Variants in KLK5 observed in about 807,000 individuals in gnomAD.
The protein encoded by KLK5 is kallikrein-5.
Under a neutral mutation model 24.0 loss-of-function variants are expected in KLK5, and 18 were observed. The ratio of observed to expected loss-of-function variants is 0.75; its 90% confidence interval spans 0.52 to 1.11. The LOEUF (loss-of-function observed/expected upper bound fraction) is 1.11, where lower values mean the gene tolerates loss of function less well. KLK5 is among the 50% of genes most tolerant of loss of function. The pLI is 0.00. For synonymous variants in KLK5, 140 were observed against 154.0 expected (o/e 0.91, Z 0.67); for missense variants, 374 against 379.2 (o/e 0.99, Z 0.11).
chr19:50,948,817 C>T (rs368001515), intron 4 of KLK5, 42 bp downstream of exon 4: 38 of 1,613,786 alleles, frequency 2.4e-5, no homozygotes, highest in Middle Eastern at 3.3e-4. Flanking sequence ...AGATGGAAGG[C>T]GGCAGAGATG....
At chr19:50,945,102 CTT>C (rs1373653465) in intron 5 of KLK5, among the ~76,000 whole-genome samples, 1 of 143,204 alleles carries the variant, frequency 7.0e-6, no homozygotes, top group Non-Finnish European at 1.5e-5. Context: ...CCCTTCGTCT[CTT>C]TTTTTTTTCT....
At position 50,948,000 on chromosome 19, in the gene KLK5, AAAC is replaced by A. The variant is rs1302845596; in HGVS notation, c.726+637_726+639del. Among the ~76,000 whole-genome samples, 9 of 152,230 alleles carry A rather than the reference AAAC, an allele frequency of 5.9e-5. No homozygotes were observed. Among genetic ancestry groups the A allele is most frequent in the Non-Finnish European group, 1.3e-4 (9 of 68,044 alleles). ...ACTCACTTTCAAAGACTTAATATGA[AAAC>A]AAGAAAAGAATGTAAAGTATCTCAT... On this transcript the variant is annotated intron_variant, in intron 5 of 5. Transcript: ENST00000336334. This position sits in a 1 kb window ranked among gnomAD's most constrained non-coding sequence, Gnocchi z 8.7.
intron 5 of KLK5, among the ~76,000 whole-genome samples, chr19:50,944,960 C>T (rs1039561134): frequency 6.6e-6 from 1 of 151,842 alleles, no homozygotes; most frequent in African/African-American, 2.4e-5. Context: ...TCCTTCCTCT[C>T]TCTTTTCTTT....
intron 5 of KLK5, among the ~76,000 whole-genome samples, chr19:50,946,645 C>T (rs268907): frequency 0.16 from 24,392 of 151,732 alleles, 3,851 homozygotes; most frequent in African/African-American, 0.41. Context: ...CTGCAAGTTC[C>T]GCCTCCCGGG....
In KLK5 at chr19:50,952,994, C is replaced by T. The variant is rs1393228239; in HGVS notation, c.-259G>A. The T allele has an allele frequency of 5.9e-5, 13 of 218,910 alleles. No homozygotes were observed. The highest frequency in any genetic ancestry group is 3.0e-4 in the East Asian group (3 of 10,122). 13.6% of individuals were successfully genotyped at this position (218,910 alleles called of 1,614,324 possible). A position where few individuals can be genotyped will look rare whatever the true frequency, so the allele number is the denominator to read the frequency against. ...GTGGGGGATTTGCTCCCAGCTCAGC[C>T]GCAGACTTCTCAGGCCTGTGCCTTC... On this transcript the variant is annotated 5_prime_UTR_variant, in exon 1 of 6. Coordinates refer to ENST00000336334, the MANE Select transcript of KLK5 (RefSeq NM_012427.5).
At chr19:50,952,480 G>A (rs1044652562) in intron 2 of KLK5, 105 bp downstream of exon 2, 5 of 742,868 alleles carry the variant, frequency 6.7e-6, no homozygotes, top group African/African-American at 3.6e-5. Context: ...ACCCGGTCCC[G>A]GAGTCATGCC....
At chr19:50,946,378 T>C (rs983036889) in intron 5 of KLK5, among the ~76,000 whole-genome samples, 16 of 152,174 alleles carry the variant, frequency 1.1e-4, no homozygotes, top group Non-Finnish European at 4.4e-5. Flanking sequence ...GGTATTAGTA[T>C]TGTTGTAGTT....
intron 5 of KLK5, among the ~76,000 whole-genome samples, chr19:50,948,043 T>C (rs2090650558): frequency 6.6e-6 from 1 of 152,204 alleles, no homozygotes; most frequent in Non-Finnish European, 1.5e-5. Flanking sequence ...AATTGTTTTA[T>C]ATTAATTACA....
chr19:50,946,814 C>G (rs567255689), intron 5 of KLK5, among the ~76,000 whole-genome samples: 14 of 152,290 alleles, frequency 9.2e-5, no homozygotes, highest in African/African-American at 3.1e-4. Context: ...CCGCCTCGGC[C>G]TCCCAAAGTG....
In KLK5 at chr19:50,945,421, C is replaced by T. The variant is rs77691357; in HGVS notation, c.727-1635G>A. 4.7e-3 allele frequency among the ~76,000 whole-genome samples: 714 copies of T among 151,710 alleles called. 8 individuals carry two copies. Among genetic ancestry groups the T allele is most frequent in the Middle Eastern group, 0.017 (5 of 294 alleles). ...ACAGCACCTGGAACCATTCCTGGTG[C>T]AAAATAGCCACTCGGCTAATATTTA... On this transcript the variant is annotated intron_variant, in intron 5 of 5. Transcript: ENST00000336334.
intron 5 of KLK5, among the ~76,000 whole-genome samples, chr19:50,946,576 T>C (rs80031432): frequency 6.6e-6 from 1 of 152,052 alleles, no homozygotes; most frequent in Non-Finnish European, 1.5e-5. Flanking sequence ...TTTTTTTTTT[T>C]TGAGACGGAG....
At chr19:50,945,730 G>T (rs2090626106) in intron 5 of KLK5, among the ~76,000 whole-genome samples, 1 of 151,622 alleles carries the variant, frequency 6.6e-6, no homozygotes, top group Non-Finnish European at 1.5e-5. Flanking sequence ...GGCGCATGCT[G>T]CAGTGAGCTG....
In KLK5 at chr19:50,952,929, C is replaced by A. The variant is rs2090701059; in HGVS notation, c.-194G>T. 3 of 326,658 alleles carry A rather than the reference C, an allele frequency of 9.2e-6. No homozygotes were observed. Among genetic ancestry groups the A allele is most frequent in the Non-Finnish European group, 1.7e-5 (3 of 179,672 alleles). 20.2% of individuals were successfully genotyped at this position (326,658 alleles called of 1,614,324 possible). A position where few individuals can be genotyped will look rare whatever the true frequency, so the allele number is the denominator to read the frequency against. On this transcript the variant is annotated 5_prime_UTR_variant, in exon 1 of 6. Coordinates refer to ENST00000336334, the MANE Select transcript of KLK5 (RefSeq NM_012427.5). The stretch of plus-strand genomic sequence containing the variant: ...CTCTCCTTCCCTGCCTGCTGAGCCA[C>A]CCTCACCAGGTCTCACTTGCCCTGT...
rs560575704 is a variant in KLK5, at chr19:50,946,797, G to T, written c.726+1843C>A. Among the ~76,000 whole-genome samples the T allele has an allele frequency of 2.8e-4, 42 of 152,056 alleles. 1 individual carries two copies. The East Asian group carries it at 6.0e-3, about 22-fold the overall frequency. The stretch of plus-strand genomic sequence containing the variant: ...GATGGTCTCCATCTCCTGACCTAGT[G>T]ATCCACCCGCCTCGGCCTCCCAAAG... On this transcript the variant is annotated intron_variant, in intron 5 of 5. Coordinates refer to ENST00000336334, the MANE Select transcript of KLK5 (RefSeq NM_012427.5).
chr19:50,950,136 T>TGGGCGGGGCTCAG lies in KLK5; in HGVS notation c.74-33_74-21dup. ...CATGCTCTGGGAACGGAAAATGGGT[T>TGGGCGGGGCTCAG]GGGCGGGGCTCAGAGGCGGGGCTTG... On this transcript the variant is annotated intron_variant, in intron 2 of 5. Coordinates refer to ENST00000336334, the MANE Select transcript of KLK5 (RefSeq NM_012427.5). The TGGGCGGGGCTCAG allele has an allele frequency of 6.7e-7, 1 of 1,490,582 alleles. No homozygotes were observed. Among genetic ancestry groups the TGGGCGGGGCTCAG allele is most frequent in the Non-Finnish European group, 9.1e-7 (1 of 1,094,308 alleles). The allele number at this position is 1,490,582 out of a possible 1,614,324, so 92.3% of individuals were successfully genotyped here.
Position 50,952,770 on chromosome 19 carries a change from A to G in KLK5, c.-35T>C. On this transcript the variant is annotated 5_prime_UTR_variant, in exon 1 of 6. Coordinates refer to ENST00000336334, the MANE Select transcript of KLK5 (RefSeq NM_012427.5). ...ACCTTATTTCCCCAGGTAGAGAGGAACCACAAGGACGGGCCACCATCGGCA... is the reference window on the plus strand; with the variant it reads ...ACCTTATTTCCCCAGGTAGAGAGGAGCCACAAGGACGGGCCACCATCGGCA... 1.5e-6 allele frequency: 1 copy of G among 680,706 alleles called. No homozygotes were observed. Among genetic ancestry groups the G allele is most frequent in the Non-Finnish European group, 2.4e-6 (1 of 423,496 alleles). The allele number at this position is 680,706 out of a possible 1,614,324, so 42.2% of individuals were successfully genotyped here.
chr19:50,944,699 G>A (rs1706232658), intron 5 of KLK5, among the ~76,000 whole-genome samples: 1 of 152,282 alleles, frequency 6.6e-6, no homozygotes, highest in Admixed American at 6.5e-5. Context: ...ATCATAGCAT[G>A]TTGAACAGCA....
In KLK5 at chr19:50,948,792, A is replaced by G. The variant is rs766284501; in HGVS notation, c.593-19T>C. ...AAGTGCACTGTCAAACAGGAACACAATGAGAAGTGGAGAAAGATGGAAGGC... is the reference window on the plus strand; with the variant it reads ...AAGTGCACTGTCAAACAGGAACACAGTGAGAAGTGGAGAAAGATGGAAGGC... On this transcript the variant is annotated intron_variant, in intron 4 of 5. Transcript: ENST00000336334. 4 of 1,613,958 alleles carry G rather than the reference A, an allele frequency of 2.5e-6. No individual in the cohort carries two copies. Among genetic ancestry groups the G allele is most frequent in the Admixed American group, 1.7e-5 (1 of 59,982 alleles).
At chr19:50,950,662 T>A (rs949301314) in intron 2 of KLK5, among the ~76,000 whole-genome samples, 1 of 151,734 alleles carries the variant, frequency 6.6e-6, no homozygotes, top group African/African-American at 2.4e-5. Context: ...GAGGCCGAGG[T>A]GGGCGGATCA....
Sources: allele counts gnomAD v4.1 joint callset (sites outside exome capture counted in the v4.1 genomes callset), GRCh38; gene constraint gnomAD v4.1.1; non-coding constraint Gnocchi (gnomAD v3.1); transcripts MANE v1.5; gene names NCBI Gene and HGNC (gene_info 2026-07-23, HGNC 2026-07-21).